CADM2: variants seen among roughly 807,000 people sequenced by gnomAD.
CADM2 encodes the protein immunoglobulin superfamily member 4D.
A neutral mutation model predicts 49.8 loss-of-function variants in CADM2; 12 were observed. That is an observed-to-expected ratio of 0.24 (90% confidence interval 0.15 to 0.39). CADM2 has a LOEUF of 0.39. Among genes scored for constraint, CADM2 ranks in the 10% least tolerant of loss-of-function variants. The pLI is 1.00. For missense variants in CADM2, 378 were observed against 492.3 expected (o/e 0.77, Z 2.20); for synonymous variants, 214 against 175.4 (o/e 1.22, Z -1.74).
At chr3:85,214,523 G>A (rs929666713) in intron 1 of CADM2, among the ~76,000 whole-genome samples, 2 of 152,032 alleles carry the variant, frequency 1.3e-5, no homozygotes, top group African/African-American at 4.8e-5. Flanking sequence ...CCTTCAGGGT[G>A]ATGAATCTCC....
intron 8 of CADM2, among the ~76,000 whole-genome samples, chr3:85,984,799 T>C (rs937364163): frequency 3.9e-5 from 6 of 151,980 alleles, no homozygotes; most frequent in Admixed American, 2.0e-4. Context: ...GATTCAAATA[T>C]AGATTTAGTT....
At chr3:85,560,085 T>A (rs570051297) in intron 1 of CADM2, among the ~76,000 whole-genome samples, 83 of 152,290 alleles carry the variant, frequency 5.5e-4, no homozygotes, top group Middle Eastern at 3.4e-3. Flanking sequence ...TGTGCTTGTT[T>A]ATGGATTTTA....
intron 3 of CADM2, among the ~76,000 whole-genome samples, chr3:85,823,184 A>G (rs538229770): frequency 1.3e-5 from 2 of 152,314 alleles, no homozygotes; most frequent in South Asian, 4.1e-4. Context: ...AACATGCAGT[A>G]TAGGTGCTAT....
chr3:85,199,339 G>GTC (rs1383650498), intron 1 of CADM2, among the ~76,000 whole-genome samples: 1 of 144,068 alleles, frequency 6.9e-6, no homozygotes, highest in Admixed American at 6.8e-5. Context: ...CTCTTTGTGT[G>GTC]TGTGTGTGTG....
At chr3:85,847,889 C>T (rs1466494695) in intron 3 of CADM2, among the ~76,000 whole-genome samples, 1 of 152,144 alleles carries the variant, frequency 6.6e-6, no homozygotes, top group East Asian at 1.9e-4. Flanking sequence ...CTTGGCTGAA[C>T]CAGTTCTAGC....
chr3:86,011,135 G>C (rs1403164245), intron 8 of CADM2, among the ~76,000 whole-genome samples: 2 of 151,982 alleles, frequency 1.3e-5, no homozygotes, highest in Non-Finnish European at 2.9e-5. Flanking sequence ...CGCCACATCA[G>C]TAGCAAAGTC....
At chr3:85,102,093 C>A (rs1050720271) in intron 1 of CADM2, among the ~76,000 whole-genome samples, 1 of 152,160 alleles carries the variant, frequency 6.6e-6, no homozygotes, top group African/African-American at 2.4e-5. Context: ...TAAAAAAAGT[C>A]TTATGTAGCC....
chr3:85,800,001 A>C (rs1225957767), intron 2 of CADM2: 1 of 152,214 alleles, frequency 6.6e-6, no homozygotes, highest in African/African-American at 2.4e-5. Context: ...CCCTTTCCCC[A>C]AGGGCTCTGT....
chr3:85,260,344 T>A lies in CADM2; in HGVS notation c.61+300676T>A, dbSNP rs142566998. ...AACCAAATCCTGTTTAATTGCTTTA[T>A]GACACCATCTTTGTCTTTTGGAAAT... On this transcript the variant is annotated intron_variant, in intron 1 of 9. Coordinates refer to ENST00000383699, the MANE Select transcript of CADM2 (RefSeq NM_001167675.2). 1.7e-4 allele frequency among the ~76,000 whole-genome samples: 26 copies of A among 152,284 alleles called. No homozygotes were observed. In the East Asian group the frequency reaches 5.0e-3, roughly 29 times the overall value.
chr3:85,686,940 A>T (rs758057058), intron 1 of CADM2, among the ~76,000 whole-genome samples: 3 of 152,142 alleles, frequency 2.0e-5, no homozygotes, highest in Non-Finnish European at 4.4e-5. Context: ...ATGACTCCCT[A>T]AAATGCGTAA....
At chr3:85,893,123 T>C (rs1164616093) in intron 5 of CADM2, among the ~76,000 whole-genome samples, 2 of 152,090 alleles carry the variant, frequency 1.3e-5, no homozygotes, top group Non-Finnish European at 2.9e-5. Flanking sequence ...AGAGAGATAA[T>C]TTAGAGTATA....
At chr3:84,972,584 C>T (rs2031531765) in intron 1 of CADM2, among the ~76,000 whole-genome samples, 2 of 152,134 alleles carry the variant, frequency 1.3e-5, no homozygotes, top group African/African-American at 4.8e-5. Flanking sequence ...ATTCCTTTGT[C>T]ATTTTTATTA....
At chr3:85,178,379 C>T (rs1044663256) in intron 1 of CADM2, among the ~76,000 whole-genome samples, 2 of 151,768 alleles carry the variant, frequency 1.3e-5, no homozygotes, top group Admixed American at 1.3e-4. Context: ...GGGATAAACC[C>T]TTGGAATAAG....
intron 3 of CADM2, among the ~76,000 whole-genome samples, chr3:85,844,656 A>C (rs1186103040): frequency 2.6e-5 from 4 of 152,178 alleles, no homozygotes; most frequent in Non-Finnish European, 5.9e-5. Flanking sequence ...ATATTTGAAA[A>C]GCAAGTTCCA....
intron 1 of CADM2, among the ~76,000 whole-genome samples, chr3:85,562,945 G>A (rs899637401): frequency 2.8e-4 from 43 of 152,058 alleles, no homozygotes; most frequent in African/African-American, 8.7e-4. Flanking sequence ...GGGAAATCAT[G>A]GCCTTACATT....
At chr3:85,122,464 C>G (rs1361926182) in intron 1 of CADM2, among the ~76,000 whole-genome samples, 1 of 152,010 alleles carries the variant, frequency 6.6e-6, no homozygotes, top group Non-Finnish European at 1.5e-5. Context: ...GGCTCTTACT[C>G]TCCCTATCAC....
intron 1 of CADM2, among the ~76,000 whole-genome samples, chr3:85,241,307 G>C (rs2042524686): frequency 6.6e-6 from 1 of 151,484 alleles, no homozygotes; most frequent in Non-Finnish European, 1.5e-5. Context: ...TCATTGTAGA[G>C]AAAATATATG....
intron 1 of CADM2, among the ~76,000 whole-genome samples, chr3:85,651,172 C>T (rs2065032043): frequency 6.6e-6 from 1 of 151,890 alleles, no homozygotes; most frequent in Non-Finnish European, 1.5e-5. Context: ...TAATTTATTT[C>T]AAAAATTCAA....
intron 1 of CADM2, among the ~76,000 whole-genome samples, chr3:85,510,684 AACTC>A (rs2040575161): frequency 6.6e-6 from 1 of 152,028 alleles, no homozygotes; most frequent in Non-Finnish European, 1.5e-5. Context: ...ATACTCACTT[AACTC>A]ACTCAGTTAA....
Sources: gnomAD v4.1 joint callset for allele counts (sites outside exome capture counted in the v4.1 genomes callset) on GRCh38, gnomAD v4.1.1 for gene constraint, MANE v1.5 for transcripts, NCBI Gene and HGNC (gene_info 2026-07-23, HGNC 2026-07-21) for gene names.